Variants in RYR2 observed in about 807,000 individuals in gnomAD.
The protein encoded by RYR2 is ryanodine receptor 2, also known as cardiac muscle ryanodine receptor-calcium release channel.
RYR2 carries 227 observed loss-of-function variants against 601.1 expected under a neutral mutation model. The ratio of observed to expected loss-of-function variants is 0.38; its 90% CI spans 0.34 to 0.42. The LOEUF is 0.42. RYR2 is among the 10% of genes least tolerant of loss of function. The pLI is 1.00. For synonymous variants in RYR2, 2,223 were observed against 2,175.1 expected (o/e 1.02, Z -0.61); for missense variants, 4,646 against 6,156.5 (o/e 0.75, Z 8.21).
rs200630113 is a variant in RYR2, at chr1:237,141,426, TC to T, written c.48+98859del. Among the ~76,000 whole-genome samples, 315 of 152,306 alleles carry T rather than the reference TC, an allele frequency of 2.1e-3. 2 individuals carry two copies. Among genetic ancestry groups the T allele is most frequent in the Admixed American group, 8.8e-3 (135 of 15,300 alleles). On this transcript the variant is annotated intron_variant, in intron 1 of 104. Transcript: ENST00000366574. ...GTTTTGATCCAGTCCTCTGAGATCT[TC>T]CTAATGAGGCGTCCCCCAAATTGCC...
intron 7 of RYR2, among the ~76,000 whole-genome samples, chr1:237,375,654 T>C (rs1700969535): frequency 6.6e-6 from 1 of 152,180 alleles, no homozygotes; most frequent in African/African-American, 2.4e-5. Context: ...TGCATCGTCT[T>C]ATAAAAGAAA....
At chr1:237,448,508 G>T (rs888435952) in intron 14 of RYR2, among the ~76,000 whole-genome samples, 13 of 152,240 alleles carry the variant, frequency 8.5e-5, no homozygotes, top group Admixed American at 7.8e-4. Context: ...TGTCAATTTA[G>T]TATTATTTAG....
Position 237,500,699 on chromosome 1 carries a change from TC to T in RYR2, c.2204-6del. Reference sequence around the variant, plus strand: ...AAATACATGACCTTCCTTAATGTTTTCCCCCCAATAGGTTGTATTGCTCGTA... The same window carrying T: ...AAATACATGACCTTCCTTAATGTTTTCCCCCAATAGGTTGTATTGCTCGTA... On this transcript the variant is annotated splice_polypyrimidine_tract_variant and intron_variant, in intron 20 of 104. Coordinates refer to ENST00000366574, the MANE Select transcript of RYR2 (RefSeq NM_001035.3). The T allele has an allele frequency of 6.4e-7, 1 of 1,570,974 alleles. No homozygotes were observed. The highest frequency in any genetic ancestry group is 8.6e-7 in the Non-Finnish European group (1 of 1,156,290).
In RYR2 at chr1:237,683,249, G is replaced by C. The variant is rs183883368; in HGVS notation, c.9017+2672G>C. Among the ~76,000 whole-genome samples the C allele has an allele frequency of 5.5e-3, 842 of 152,326 alleles. 18 individuals are homozygous for C. The highest frequency in any genetic ancestry group is 3.5e-3 in the Non-Finnish European group (237 of 68,024). ...TGAGTAGCAATAGTTGTGTGGGTTT[G>C]AGTTAACTTTTCCACAATTAAAACC... On this transcript the variant is annotated intron_variant, in intron 62 of 104. Transcript: ENST00000366574.
In RYR2 at chr1:237,187,443, CTTTTTT is replaced by C. The variant is rs10686110; in HGVS notation, c.49-83040_49-83035del. On this transcript the variant is annotated intron_variant, in intron 1 of 104. Coordinates refer to ENST00000366574, the MANE Select transcript of RYR2 (RefSeq NM_001035.3). Reference sequence around the variant, plus strand: ...GGCGTGAGCCAACACGCCCGGCCGACTTTTTTTTTTTTTTTTTTTGAGACAAGTCTC... The same window carrying C: ...GGCGTGAGCCAACACGCCCGGCCGACTTTTTTTTTTTTTGAGACAAGTCTC... Among the ~76,000 whole-genome samples the C allele has an allele frequency of 4.4e-4, 38 of 86,790 alleles. 2 individuals are homozygous for C. The highest frequency in any genetic ancestry group is 1.6e-3 in the African/African-American group (36 of 22,582). The allele number at this position is 86,790 out of a possible 152,430, so 56.9% of individuals were successfully genotyped here. A position where few individuals can be genotyped will look rare whatever the true frequency, so the allele number is the denominator to read the frequency against.
chr1:237,576,639 G>A (rs1673252107), intron 29 of RYR2, among the ~76,000 whole-genome samples: 1 of 151,986 alleles, frequency 6.6e-6, no homozygotes, highest in Admixed American at 6.6e-5. Flanking sequence ...GGAGTATATA[G>A]ACAAATTTAA....
intron 1 of RYR2, among the ~76,000 whole-genome samples, chr1:237,110,983 T>C (rs1669404128): frequency 6.6e-6 from 1 of 152,196 alleles, no homozygotes; most frequent in Admixed American, 6.5e-5. Context: ...TCAAGCACGA[T>C]GCCAGGTCTC....
intron 1 of RYR2, among the ~76,000 whole-genome samples, chr1:237,159,388 G>A (rs562780945): frequency 2.8e-4 from 42 of 152,236 alleles, no homozygotes; most frequent in Non-Finnish European, 4.9e-4. Flanking sequence ...TCTATGGGGC[G>A]TTTATCTAAG....
chr1:237,810,050 G>A (rs2149449782), intron 100 of RYR2, among the ~76,000 whole-genome samples: 1 of 152,128 alleles, frequency 6.6e-6, no homozygotes, highest in East Asian at 1.9e-4. Context: ...CAATAAGAAG[G>A]AATAATCACA....
At position 237,499,875 on chromosome 1, in the gene RYR2, A is replaced by G. The variant is rs73110492; in HGVS notation, c.2204-836A>G. ...GGAGAACCTTACCTTCTTTTCTTTC[A>G]TTGTGCAGTGAGAAGCAGATGCTCT... On this transcript the variant is annotated intron_variant, in intron 20 of 104. Coordinates refer to ENST00000366574, the MANE Select transcript of RYR2 (RefSeq NM_001035.3). Among the ~76,000 whole-genome samples the G allele has an allele frequency of 8.1e-3, 1,236 of 152,280 alleles. 16 individuals are homozygous for G. Among genetic ancestry groups the G allele is most frequent in the African/African-American group, 0.028 (1,152 of 41,568 alleles).
intron 2 of RYR2, among the ~76,000 whole-genome samples, chr1:237,294,325 C>T (rs1320248529): frequency 6.6e-6 from 1 of 151,930 alleles, no homozygotes; most frequent in Non-Finnish European, 1.5e-5. Context: ...TAGACACAGC[C>T]ACTCAGTATT....
intron 58 of RYR2, among the ~76,000 whole-genome samples, chr1:237,668,303 A>G (rs898571739): frequency 6.6e-6 from 1 of 151,868 alleles, no homozygotes; most frequent in Non-Finnish European, 1.5e-5. Flanking sequence ...TTTATTTCCT[A>G]TCTCAGCCTC....
intron 17 of RYR2, among the ~76,000 whole-genome samples, chr1:237,472,293 G>A (rs537162251): frequency 4.6e-5 from 7 of 152,206 alleles, no homozygotes; most frequent in Non-Finnish European, 8.8e-5. Context: ...TCCTCATCTC[G>A]TTAGTGCCCT....
At chr1:237,176,676 A>G (rs1049977332) in intron 1 of RYR2, among the ~76,000 whole-genome samples, 3 of 152,158 alleles carry the variant, frequency 2.0e-5, no homozygotes, top group African/African-American at 4.8e-5. Context: ...CAAACTGTCA[A>G]TACATTCTGT....
intron 1 of RYR2, among the ~76,000 whole-genome samples, chr1:237,144,164 C>T (rs750236939): frequency 8.6e-5 from 13 of 151,820 alleles, no homozygotes; most frequent in Admixed American, 1.3e-4. Flanking sequence ...CAGAATGTGA[C>T]GCATGTTATA....
chr1:237,484,821 A>G (rs969184563), intron 17 of RYR2, among the ~76,000 whole-genome samples: 4 of 152,186 alleles, frequency 2.6e-5, no homozygotes, highest in African/African-American at 9.7e-5. Flanking sequence ...AAAACATGAT[A>G]AGGAATATTC....
intron 11 of RYR2, 33 bp downstream of exon 11, chr1:237,417,156 C>G (rs1318570067): frequency 6.6e-7 from 1 of 1,504,184 alleles, no homozygotes. Flanking sequence ...GCCTAATGCA[C>G]CAAGTGTACC....
chr1:237,439,566 A>G, intron 12 of RYR2, among the ~76,000 whole-genome samples: 1 of 151,722 alleles, frequency 6.6e-6, no homozygotes, highest in East Asian at 1.9e-4. Flanking sequence ...ATTGCTTGGA[A>G]CCAGGAGGCT....
At chr1:237,087,616 A>G (rs1467982364) in intron 1 of RYR2, among the ~76,000 whole-genome samples, 1 of 152,058 alleles carries the variant, frequency 6.6e-6, no homozygotes, top group African/African-American at 2.4e-5. Flanking sequence ...AGAAAATGGC[A>G]TTCGTATATC....
Sources: gnomAD v4.1 joint callset for allele counts (sites outside exome capture counted in the v4.1 genomes callset) on GRCh38, gnomAD v4.1.1 for gene constraint, MANE v1.5 for transcripts, NCBI Gene and HGNC (gene_info 2026-07-23, HGNC 2026-07-21) for gene names.